Variants in GRID2 observed in about 807,000 individuals in gnomAD.
The protein encoded by GRID2 is glutamate receptor ionotropic, delta-2.
A neutral mutation model predicts 114.8 loss-of-function variants in GRID2; 33 were observed. The observed-to-expected ratio is 0.29, with a 90% CI of 0.22 to 0.38. The LOEUF is 0.38. GRID2 is among the 10% of genes least tolerant of loss of function. The pLI, the probability that GRID2 is intolerant of heterozygous loss-of-function variation, is 1.00. For missense variants in GRID2, 1,184 were observed against 1,257.7 expected, an observed-to-expected ratio of 0.94 and a Z score of 0.89; for synonymous variants, 505 against 449.9, an observed-to-expected ratio of 1.12 and a Z score of -1.55.
chr4:93,332,297 TGTGAGAGA>T (rs1290736338), intron 8 of GRID2, among the ~76,000 whole-genome samples: 27 of 133,050 alleles, frequency 2.0e-4, no homozygotes, highest in African/African-American at 3.2e-4. Flanking sequence ...TGTGTGTGTG[TGTGAGAGA>T]GAGAGAGAGA....
intron 2 of GRID2, among the ~76,000 whole-genome samples, chr4:92,705,751 G>A (rs901673944): frequency 6.6e-6 from 1 of 152,186 alleles, no homozygotes; most frequent in Non-Finnish European, 1.5e-5. Flanking sequence ...GGAAGAGGTT[G>A]CCTCAAAGTT....
intron 2 of GRID2, among the ~76,000 whole-genome samples, chr4:92,926,223 A>T (rs1662728817): frequency 6.6e-6 from 1 of 152,020 alleles, no homozygotes; most frequent in South Asian, 2.1e-4. Context: ...AATAACTACA[A>T]GGAAAATGCA....
chr4:92,676,410 G>A (rs1308569428), intron 2 of GRID2, among the ~76,000 whole-genome samples: 1 of 151,912 alleles, frequency 6.6e-6, no homozygotes. Context: ...TCGATCTTCT[G>A]ACCTCATGAT....
At chr4:92,451,079 A>G (rs1035251327) in intron 1 of GRID2, among the ~76,000 whole-genome samples, 1 of 152,100 alleles carries the variant, frequency 6.6e-6, no homozygotes, top group Non-Finnish European at 1.5e-5. Flanking sequence ...CAAGCACCAT[A>G]ATTCACTTAG....
chr4:92,515,796 G>T (rs1724472182), intron 1 of GRID2, among the ~76,000 whole-genome samples: 1 of 151,882 alleles, frequency 6.6e-6, no homozygotes, highest in African/African-American at 2.4e-5. Context: ...GAGAAAAAAA[G>T]AATATTGTTC....
At position 93,765,581 on chromosome 4, in the gene GRID2, C is replaced by T. The variant is rs180860743; in HGVS notation, c.2361-3629C>T. ...TTTTTTGGGTTTAAGGCTTTTAATT[C>T]CTATTAGAATTTAAATAGGTGAGGT... is the stretch of plus-strand genomic sequence containing the variant. On this transcript the variant is annotated intron_variant, in intron 14 of 15. Coordinates refer to ENST00000282020, the MANE Select transcript of GRID2 (RefSeq NM_001510.4). 2.1e-3 allele frequency among the ~76,000 whole-genome samples: 303 copies of T among 143,028 alleles called. 1 individual carries two copies. The highest frequency in any genetic ancestry group is 7.3e-3 in the African/African-American group (278 of 37,876). The allele number at this position is 143,028 out of a possible 152,430, so 93.8% of individuals were successfully genotyped here.
At chr4:93,362,960 C>T (rs1050791450) in intron 8 of GRID2, among the ~76,000 whole-genome samples, 4 of 152,110 alleles carry the variant, frequency 2.6e-5, no homozygotes, top group Admixed American at 6.6e-5. Context: ...TGGCTCACAC[C>T]TGTGATCCCA....
chr4:93,575,695 T>A (rs1324695850), intron 13 of GRID2, among the ~76,000 whole-genome samples: 2 of 152,196 alleles, frequency 1.3e-5, no homozygotes, highest in Non-Finnish European at 2.9e-5. Flanking sequence ...TGTTATATTT[T>A]ACTGATATAA....
intron 2 of GRID2, among the ~76,000 whole-genome samples, chr4:92,863,207 A>G (rs1415727285): frequency 6.6e-6 from 1 of 152,078 alleles, no homozygotes; most frequent in Non-Finnish European, 1.5e-5. Flanking sequence ...CAACATGTAC[A>G]TTTCTACATT....
At chr4:92,781,247 A>AAAAAAC (rs945969192) in intron 2 of GRID2, among the ~76,000 whole-genome samples, 1 of 152,124 alleles carries the variant, frequency 6.6e-6, no homozygotes, top group Non-Finnish European at 1.5e-5. Context: ...CTCCCTCTCA[A>AAAAAAC]AAAAACAAAA....
At chr4:92,787,617 T>C (rs1739379986) in intron 2 of GRID2, among the ~76,000 whole-genome samples, 1 of 151,912 alleles carries the variant, frequency 6.6e-6, no homozygotes, top group Admixed American at 6.6e-5. Flanking sequence ...GGTTTTATAG[T>C]TAACTGTAAG....
At chr4:93,132,619 A>G (rs984818833) in intron 4 of GRID2, among the ~76,000 whole-genome samples, 5 of 152,212 alleles carry the variant, frequency 3.3e-5, no homozygotes, top group African/African-American at 1.2e-4. Context: ...CGTGACATAT[A>G]TTCACTAATT....
intron 2 of GRID2, among the ~76,000 whole-genome samples, chr4:92,640,807 G>T (rs1332129055): frequency 3.3e-5 from 5 of 151,654 alleles, no homozygotes; most frequent in Non-Finnish European, 5.9e-5. Flanking sequence ...ACTTAAACTT[G>T]TAATTCTCAT....
At chr4:93,278,615 T>C (rs1752324306) in intron 8 of GRID2, among the ~76,000 whole-genome samples, 1 of 152,012 alleles carries the variant, frequency 6.6e-6, no homozygotes. Context: ...TTAAACCTTA[T>C]TTGAGTATAT....
At chr4:93,737,741 C>T (rs1731048886) in intron 14 of GRID2, among the ~76,000 whole-genome samples, 1 of 152,038 alleles carries the variant, frequency 6.6e-6, no homozygotes, top group African/African-American at 2.4e-5. Flanking sequence ...TGTAGTAATA[C>T]TTAATTTAAC....
intron 2 of GRID2, among the ~76,000 whole-genome samples, chr4:92,627,841 C>T (rs973631805): frequency 1.3e-5 from 2 of 152,050 alleles, no homozygotes; most frequent in African/African-American, 4.8e-5. Context: ...AACAATAAAT[C>T]AAGCTCTGAT....
downstream of GRID2, among the ~76,000 whole-genome samples, chr4:93,777,154 AAACCTCATGGT>A (rs1734385964): frequency 6.6e-6 from 1 of 152,208 alleles, no homozygotes; most frequent in South Asian, 2.1e-4. Flanking sequence ...AGGAGACTAG[AAACCTCATGGT>A]TTTGCTTCAT....
chr4:92,635,108 A>G (rs1395175614), intron 2 of GRID2, among the ~76,000 whole-genome samples: 1 of 152,094 alleles, frequency 6.6e-6, no homozygotes, highest in Non-Finnish European at 1.5e-5. Flanking sequence ...TTGAACTACA[A>G]TATTTGCTTG....
intron 2 of GRID2, among the ~76,000 whole-genome samples, chr4:93,035,671 C>T (rs1017227487): frequency 3.9e-5 from 6 of 152,096 alleles, no homozygotes; most frequent in Admixed American, 3.3e-4. Context: ...CACTTTGTGG[C>T]TGTTGGCAGG....
Sources: gnomAD v4.1 joint callset for allele counts (sites outside exome capture counted in the v4.1 genomes callset) on GRCh38, gnomAD v4.1.1 for gene constraint, MANE v1.5 for transcripts, NCBI Gene and HGNC (gene_info 2026-07-23, HGNC 2026-07-21) for gene names.